COASY: variants seen among roughly 807,000 people sequenced by gnomAD.
The protein encoded by COASY is bifunctional coenzyme A synthase.
COASY carries 31 observed loss-of-function variants against 49.4 expected under a neutral mutation model. The ratio of observed to expected loss-of-function variants is 0.63; its 90% CI spans 0.47 to 0.85. The LOEUF is 0.85. Among genes scored for constraint, COASY ranks in the 40% least tolerant of loss-of-function variants. The pLI is 0.00. For missense variants in COASY, 730 were observed against 734.1 expected, an observed-to-expected ratio of 0.99 and a Z score of 0.06; for synonymous variants, 285 against 310.9, an observed-to-expected ratio of 0.92 and a Z score of 0.88.
intron 6 of COASY, 35 bp from the exon 7 acceptor site, chr17:42,565,436 C>A (rs531459470): frequency 6.2e-7 from 1 of 1,611,264 alleles, no homozygotes; most frequent in East Asian, 2.2e-5. Context: ...GGGAGAACGT[C>A]GGCACTGCTG....
Position 42,563,111 on chromosome 17 carries a change from G to A in COASY, c.489G>A (p.Val163=), listed in dbSNP as rs996697955. ...YSDYGIGEVP[V]EPLDVPLPST... ...ATTATGGGATAGGAGAAGTGCCCGT[G>A]GAGCCCCTGGATGTCCCCTTACCCT... is the stretch of plus-strand genomic sequence containing the variant. Residue 163 remains valine, a synonymous_variant, in exon 1 of 9, where the codon GTG becomes GTA. Transcript: ENST00000393818. 1 of 1,613,610 alleles carries A rather than the reference G, an allele frequency of 6.2e-7. No homozygotes were observed. The highest frequency in any genetic ancestry group is 8.5e-7 in the Non-Finnish European group (1 of 1,179,636).
At chr17:42,565,335 C>T (rs2092997333) in intron 6 of COASY, 24 bp downstream of exon 6, 1 of 1,612,684 alleles carries the variant, frequency 6.2e-7, no homozygotes, top group Non-Finnish European at 8.5e-7. Flanking sequence ...AGGATGGCAA[C>T]AGCTAAGGGG....
rs754591371 is a variant in COASY, at chr17:42,562,871, C to T, written c.249C>T (p.Val83=). 1 of 1,613,264 alleles carries T rather than the reference C, an allele frequency of 6.2e-7. No individual in the cohort carries two copies. Among genetic ancestry groups the T allele is most frequent in the Non-Finnish European group, 8.5e-7 (1 of 1,179,426 alleles). The change falls in exon 1 of 9, where the codon GTC becomes GTT. Residue 83 remains valine (V), a synonymous_variant. Transcript: ENST00000393818. Reference sequence around the variant, plus strand: ...CCGACGTCCACAGGCACTTGGACGTCAGAATCCTACTGACCAATATCCGAA... The same window carrying T: ...CCGACGTCCACAGGCACTTGGACGTTAGAATCCTACTGACCAATATCCGAA... ...AGADVHRHLD[V]RILLTNIRTK...
At chr17:42,565,388 G>T (rs1238804152) in intron 6 of COASY, 77 bp downstream of exon 6, 19 of 1,607,194 alleles carry the variant, frequency 1.2e-5, no homozygotes, top group Non-Finnish European at 1.5e-5. Context: ...CCTGCCCAAC[G>T]TGGGACTGTC....
At chr17:42,563,697 T>G (rs1178133896) in intron 1 of COASY, 1 of 530,214 alleles carries the variant, frequency 1.9e-6, no homozygotes, top group Non-Finnish European at 3.3e-6. Flanking sequence ...CATCTGCCTC[T>G]GATGCCCTCT....
Position 42,564,972 on chromosome 17 carries a change from G to C in COASY, c.1238-11G>C. On this transcript the variant is annotated splice_polypyrimidine_tract_variant and intron_variant, in intron 4 of 8. Coordinates refer to ENST00000393818, the MANE Select transcript of COASY (RefSeq NM_025233.7). ...GGCCTCTGTGCTCAGTTGTCTGTCT[G>C]TGTTGTCCAGATATTCTCCATAAAG... 1 of 1,614,214 alleles carries C rather than the reference G, an allele frequency of 6.2e-7. No homozygotes were observed. Among genetic ancestry groups the C allele is most frequent in the East Asian group, 2.2e-5 (1 of 44,884 alleles).
At position 42,566,245 on chromosome 17, in the gene COASY, C is replaced by A. The variant is rs572515727; in HGVS notation, c.*277C>A. 6.0e-6 allele frequency: 3 copies of A among 503,384 alleles called. No homozygotes were observed. In the East Asian group the frequency reaches 1.0e-4, roughly 18 times the overall value. The allele number at this position is 503,384 out of a possible 1,614,324, so 31.2% of individuals were successfully genotyped here. On this transcript the variant is annotated 3_prime_UTR_variant, in exon 9 of 9. Coordinates refer to ENST00000393818, the MANE Select transcript of COASY (RefSeq NM_025233.7). ...ACTAGGGCCAGCGCAAATACTGGAA[C>A]CTGTAACAGAATTAAAGGTGAATGT...
At position 42,563,157 on chromosome 17, in the gene COASY, C is replaced by A. The variant is rs755926377; in HGVS notation, c.535C>A (p.Pro179Thr). 1.2e-6 allele frequency: 2 copies of A among 1,613,886 alleles called. No homozygotes were observed. Among genetic ancestry groups the A allele is most frequent in the African/African-American group, 2.7e-5 (2 of 74,948 alleles). ...PLPSTIRPAS[P>T]VAGSPKQPVR... ...ACCCTCCACGATCAGGCCAGCTTCC[C>A]CCGTGGCCGGGTCTCCAAAGCAGCC... Residue 179 changes from proline to threonine, a missense_variant, in exon 1 of 9, where the codon CCC becomes ACC. Coordinates refer to ENST00000393818, the MANE Select transcript of COASY (RefSeq NM_025233.7).
rs893787377 is a variant in COASY, at chr17:42,562,914, C to T, written c.292C>T (p.Pro98Ser). The T allele has an allele frequency of 6.2e-7, 1 of 1,611,430 alleles. No individual in the cohort carries two copies. The highest frequency in any genetic ancestry group is 8.5e-7 in the Non-Finnish European group (1 of 1,177,750). Residue 98 changes from proline (P) to serine (S), a missense_variant, in exon 1 of 9, where the codon CCT (proline) becomes TCT (serine). Pro to Ser is a moderately conservative substitution (Grantham distance 74, BLOSUM62 -1). Transcript: ENST00000393818. Reference protein sequence around the residue: ...TNIRTKSTFLPPLPTSVQNLA... With the variant: ...TNIRTKSTFLSPLPTSVQNLA... ...TATCCGAACCAAGAGCACCTTTCTC[C>T]CTCCCCTGCCCACCTCAGTCCAGAA...
In COASY at chr17:42,565,700, C is replaced by T. The variant is rs775885531; in HGVS notation, c.1527C>T (p.Ala509=). 18 of 1,613,912 alleles carry T rather than the reference C, an allele frequency of 1.1e-5. No individual in the cohort carries two copies. Among genetic ancestry groups the T allele is most frequent in the African/African-American group, 6.7e-5 (5 of 74,906 alleles). The part of the protein sequence containing the change: ...RIVERDGLSE[A]AAQSRLQSQM... ...TGGAGAGGGATGGCCTCAGTGAAGC[C>T]GCGGCTCAAAGCCGGCTGCAGAGCC... Residue 509 remains alanine, a synonymous_variant, in exon 8 of 9, where the codon GCC becomes GCT. Coordinates refer to ENST00000393818, the MANE Select transcript of COASY (RefSeq NM_025233.7).
rs1264110223 is a variant in COASY at position 42,562,804 on chromosome 17, CGTTTGAG to C, written c.186_192del (p.Glu63LeufsTer23). The stretch of plus-strand genomic sequence containing the variant: ...CCCCAGTCCAGCCCCGTGCAGGCCA[CGTTTGAG>C]GTTCTTGATTTCATCACGCACCTCT... On this transcript the variant is annotated frameshift_variant, in exon 1 of 9. Coordinates refer to ENST00000393818, the MANE Select transcript of COASY (RefSeq NM_025233.7). LOFTEE classifies it high-confidence loss of function. 1 of 1,612,402 alleles carries C rather than the reference CGTTTGAG, an allele frequency of 6.2e-7. No individual in the cohort carries two copies. The highest frequency in any genetic ancestry group is 1.3e-5 in the African/African-American group (1 of 74,922).
chr17:42,566,176 T>G lies in COASY; in HGVS notation c.*208T>G. ...GAGGATGTGGTTCATGGGGGAGCAG[T>G]CCCCTCCCCACTCTTGCCCATGGGT... is the stretch of plus-strand genomic sequence containing the variant. On this transcript the variant is annotated 3_prime_UTR_variant, in exon 9 of 9. Transcript: ENST00000393818. 1 of 596,470 alleles carries G rather than the reference T, an allele frequency of 1.7e-6. No individual in the cohort carries two copies. The highest frequency in any genetic ancestry group is 3.0e-6 in the Non-Finnish European group (1 of 335,772). 36.9% of individuals were successfully genotyped at this position (596,470 alleles called of 1,614,324 possible). A position where few individuals can be genotyped will look rare whatever the true frequency, so the allele number is the denominator to read the frequency against.
In COASY at chr17:42,563,237, C is replaced by T. The variant is rs149475124; in HGVS notation, c.615C>T (p.Asn205=). ...GTGGCACGTTTGACCGCCTGCACAA[C>T]GCCCACAAGGTGTTGCTCAGTGTCG... ...AVGGTFDRLH[N]AHKVLLSVAC... The change falls in exon 1 of 9, where the codon AAC becomes AAT. Residue 205 remains asparagine, a synonymous_variant. Transcript: ENST00000393818. 5.6e-6 allele frequency: 9 copies of T among 1,613,240 alleles called. No homozygotes were observed. Among genetic ancestry groups the T allele is most frequent in the Non-Finnish European group, 2.5e-6 (3 of 1,180,024 alleles).
At position 42,564,761 on chromosome 17, in the gene COASY, G is replaced by A; in HGVS notation, c.1100G>A (p.Ser367Asn). 5 of 1,532,026 alleles carry A rather than the reference G, an allele frequency of 3.3e-6. No individual in the cohort carries two copies. The highest frequency in any genetic ancestry group is 4.4e-6 in the Non-Finnish European group (5 of 1,144,256). The allele number at this position is 1,532,026 out of a possible 1,614,324, so 94.9% of individuals were successfully genotyped here. The change falls in exon 4 of 9, where the codon AGT becomes AAT. Residue 367 changes from serine to asparagine, a missense_variant. Physicochemically the swap from Ser to Asn is conservative, Grantham distance 46 (BLOSUM62 1). Transcript: ENST00000393818. ...TATGTAATTGGGCTGACTGGCATCA[G>A]TGGCTCTGGGAAGAGCTCAATAGCT... Reference protein sequence around the residue: ...CLYVIGLTGISGSGKSSIAQR... With the variant: ...CLYVIGLTGINGSGKSSIAQR...
chr17:42,564,351 T>A (rs2092991702), intron 2 of COASY, 95 bp from the exon 3 acceptor site: 1 of 1,569,518 alleles, frequency 6.4e-7, no homozygotes, highest in African/African-American at 1.4e-5. Flanking sequence ...AGGAGGAGCC[T>A]GGGTAGGAAG....
chr17:42,562,555 C>CT lies in COASY; in HGVS notation c.-67dup. The CT allele has an allele frequency of 6.3e-7, 1 of 1,583,154 alleles. No individual in the cohort carries two copies. Among genetic ancestry groups the CT allele is most frequent in the East Asian group, 2.2e-5 (1 of 44,576 alleles). ...GGGGTCCAAGGTCCCATACAGGCCT[C>CT]TGCCTCGGCCGCAGGCCCTTCAGTC... On this transcript the variant is annotated 5_prime_UTR_variant, in exon 1 of 9. Coordinates refer to ENST00000393818, the MANE Select transcript of COASY (RefSeq NM_025233.7).
rs200710685 is a variant in COASY at position 42,562,490 on chromosome 17, C to T, written c.-133C>T. The T allele has an allele frequency of 1.2e-5, 20 of 1,613,608 alleles. No individual in the cohort carries two copies. In the South Asian group the frequency reaches 1.9e-4, roughly 15 times the overall value. On this transcript the variant is annotated 5_prime_UTR_variant, in exon 1 of 9. It introduces an in-frame stop codon into an upstream open reading frame of the 5' UTR. Coordinates refer to ENST00000393818, the MANE Select transcript of COASY (RefSeq NM_025233.7). The stretch of plus-strand genomic sequence containing the variant: ...GTCCCCTCCCCCGGCTCCTGTCGGT[C>T]AGCACTGAAACCCCGTCCCTGCTCC...
chr17:42,566,274 G>T lies in COASY; in HGVS notation c.*306G>T, dbSNP rs554919057. The stretch of plus-strand genomic sequence containing the variant: ...TAACAGAATTAAAGGTGAATGTTCT[G>T]AGATGTTGCTTGTATGGTGTCTGCT... On this transcript the variant is annotated 3_prime_UTR_variant, in exon 9 of 9. Transcript: ENST00000393818. 1.7e-5 allele frequency: 7 copies of T among 419,884 alleles called. No individual in the cohort carries two copies. The East Asian group carries it at 3.3e-4, about 20-fold the overall frequency. 26.0% of individuals were successfully genotyped at this position (419,884 alleles called of 1,614,324 possible).
In COASY at chr17:42,564,810, G is replaced by A. The variant is rs775259112; in HGVS notation, c.1149G>A (p.Ala383=). 53 of 1,557,174 alleles carry A rather than the reference G, an allele frequency of 3.4e-5. No individual in the cohort carries two copies. Among genetic ancestry groups the A allele is most frequent in the Admixed American group, 1.0e-4 (5 of 49,268 alleles). ...SIAQRLKGLG[A]FVIDSDHLGH... is the part of the protein sequence containing the mutation. ...CTCAGCGACTGAAGGGCCTGGGGGC[G>A]TTTGTCATTGACAGTGACCACCTGG... is the stretch of plus-strand genomic sequence containing the variant. Residue 383 remains alanine, a synonymous_variant, in exon 4 of 9, where the codon GCG becomes GCA. Coordinates refer to ENST00000393818, the MANE Select transcript of COASY (RefSeq NM_025233.7).
Sources: allele counts gnomAD v4.1 joint callset, GRCh38; gene constraint gnomAD v4.1.1; transcripts MANE v1.5; gene names NCBI Gene and HGNC (gene_info 2026-07-23, HGNC 2026-07-21).